MSRA: variants seen among roughly 807,000 people sequenced by gnomAD.
MSRA encodes mitochondrial peptide methionine sulfoxide reductase.
MSRA carries 54 observed loss-of-function variants against 31.3 expected under a neutral mutation model. The observed-to-expected ratio is 1.73, with a 90% CI of 1.39 to 2.17. The LOEUF (loss-of-function observed/expected upper bound fraction) is 2.17, where lower values mean the gene tolerates loss of function less well. Ranked by LOEUF, MSRA falls within the 30% of genes most tolerant of loss-of-function variation. MSRA has a pLI of 0.00. For synonymous variants in MSRA, 169 were observed against 116.5 expected (o/e 1.45, Z -2.90); for missense variants, 507 against 300.9 (o/e 1.69, Z -5.07).
chr8:10,054,750 C>G (rs962558452), intron 1 of MSRA, 92 bp downstream of exon 1: 5 of 1,309,622 alleles, frequency 3.8e-6, no homozygotes, highest in South Asian at 4.2e-5. Flanking sequence ...GGAAGGAAGC[C>G]GTGGGCTGGC....
chr8:10,427,398 G>A lies in MSRA; in HGVS notation c.544-750G>A, dbSNP rs922907963. ...CTCCTTTCCCAGCTTGTGTTGATGC[G>A]TGTCTTTCCCTGGCAGCAGATGTCA... On this transcript the variant is annotated intron_variant, in intron 5 of 5. Coordinates refer to ENST00000317173, the MANE Select transcript of MSRA (RefSeq NM_012331.5). Among the ~76,000 whole-genome samples the A allele has an allele frequency of 9.2e-5, 14 of 152,276 alleles. No homozygotes were observed. In the East Asian group the frequency reaches 1.4e-3, roughly 15 times the overall value.
chr8:10,275,731 G>A (rs369915736), intron 3 of MSRA, among the ~76,000 whole-genome samples: 1 of 152,154 alleles, frequency 6.6e-6, no homozygotes. Flanking sequence ...GGTCGACTCT[G>A]TCACTTATAA....
At chr8:10,274,764 C>T (rs1799232307) in intron 3 of MSRA, among the ~76,000 whole-genome samples, 1 of 152,090 alleles carries the variant, frequency 6.6e-6, no homozygotes, top group Admixed American at 6.5e-5. Flanking sequence ...CATCCACCAT[C>T]ATCCATTCAG....
At chr8:10,334,318 C>G (rs1267570233) in intron 5 of MSRA, among the ~76,000 whole-genome samples, 2 of 152,018 alleles carry the variant, frequency 1.3e-5, no homozygotes, top group Non-Finnish European at 2.9e-5. Flanking sequence ...AGGGTAGGGT[C>G]TACTTTAAAG....
chr8:10,339,471 T>G (rs1031191465), intron 5 of MSRA, among the ~76,000 whole-genome samples: 15 of 152,000 alleles, frequency 9.9e-5, no homozygotes, highest in Non-Finnish European at 1.5e-4. Flanking sequence ...GTCCTGTTCT[T>G]CGTGGTCAGG....
intron 1 of MSRA, among the ~76,000 whole-genome samples, chr8:10,083,535 T>A (rs565428096): frequency 6.6e-6 from 1 of 152,382 alleles, no homozygotes; most frequent in South Asian, 2.1e-4. Context: ...ATCACATTTT[T>A]TCAAGGGTGA....
intron 1 of MSRA, among the ~76,000 whole-genome samples, chr8:10,141,181 A>G (rs1434581949): frequency 6.6e-6 from 1 of 152,092 alleles, no homozygotes; most frequent in Non-Finnish European, 1.5e-5. Context: ...CACCCACAGA[A>G]ATGGGAGTGG....
At chr8:10,133,718 A>G (rs773861913) in intron 1 of MSRA, among the ~76,000 whole-genome samples, 3 of 152,228 alleles carry the variant, frequency 2.0e-5, no homozygotes, top group Non-Finnish European at 2.9e-5. Context: ...GGAAGTGCTC[A>G]GGAAATGGTA....
chr8:10,091,493 T>C (rs1210884391), intron 1 of MSRA, among the ~76,000 whole-genome samples: 1 of 152,230 alleles, frequency 6.6e-6, no homozygotes, highest in Non-Finnish European at 1.5e-5. Context: ...ATTTCCTGTC[T>C]TGGCTATTAT....
At chr8:10,286,361 C>G (rs1456329842) in intron 3 of MSRA, among the ~76,000 whole-genome samples, 1 of 152,150 alleles carries the variant, frequency 6.6e-6, no homozygotes, top group Non-Finnish European at 1.5e-5. Context: ...GTGAATAAGT[C>G]TCACGAGATC....
chr8:10,362,538 C>T (rs542124617), intron 5 of MSRA, among the ~76,000 whole-genome samples: 144 of 151,590 alleles, frequency 9.5e-4, no homozygotes, highest in African/African-American at 3.3e-3. Context: ...GAGGGGAGGC[C>T]ACTGAGACAT....
chr8:10,142,941 A>G (rs1802833811), intron 1 of MSRA, among the ~76,000 whole-genome samples: 1 of 152,202 alleles, frequency 6.6e-6, no homozygotes, highest in Non-Finnish European at 1.5e-5. Flanking sequence ...CTTCAGAACA[A>G]AGAAAGCACC....
At chr8:10,416,460 C>G (rs551764879) in intron 5 of MSRA, among the ~76,000 whole-genome samples, 4 of 152,208 alleles carry the variant, frequency 2.6e-5, no homozygotes, top group East Asian at 1.9e-4. Context: ...TTGTCAGTGT[C>G]CTTATGTGAG....
At chr8:10,073,026 C>A (rs1255283997) in intron 1 of MSRA, among the ~76,000 whole-genome samples, 1 of 151,996 alleles carries the variant, frequency 6.6e-6, no homozygotes, top group African/African-American at 2.4e-5. Flanking sequence ...CATAGATAAC[C>A]CTATCACCTG....
intron 1 of MSRA, among the ~76,000 whole-genome samples, chr8:10,115,981 T>G (rs1342747757): frequency 6.6e-6 from 1 of 152,240 alleles, no homozygotes; most frequent in African/African-American, 2.4e-5. Context: ...CACCTCCCAC[T>G]TGATTCACGC....
rs1809352969 is a variant in MSRA, at chr8:10,428,646, G to C, written c.*334G>C. On this transcript the variant is annotated 3_prime_UTR_variant, in exon 6 of 6. Transcript: ENST00000317173. ...TTGCTGGACAGGATGGGGGACCCCAGAAGTCCTTTATCTGTGCTCTCTGCC... is the reference window on the plus strand; with the variant it reads ...TTGCTGGACAGGATGGGGGACCCCACAAGTCCTTTATCTGTGCTCTCTGCC... The C allele has an allele frequency of 3.3e-6, 1 of 303,528 alleles. No homozygotes were observed. The highest frequency in any genetic ancestry group is 6.1e-6 in the Non-Finnish European group (1 of 163,846). The allele number at this position is 303,528 out of a possible 1,614,324, so 18.8% of individuals were successfully genotyped here. A position where few individuals can be genotyped will look rare whatever the true frequency, so the allele number is the denominator to read the frequency against.
intron 5 of MSRA, among the ~76,000 whole-genome samples, chr8:10,355,524 C>G (rs1418404612): frequency 1.3e-5 from 2 of 152,136 alleles, no homozygotes; most frequent in South Asian, 4.1e-4. Flanking sequence ...CATGCTGTGT[C>G]AAAGGAAAAG....
intron 1 of MSRA, 62 bp from the exon 2 acceptor site, chr8:10,207,771 C>A: frequency 1.4e-6 from 2 of 1,414,788 alleles, no homozygotes; most frequent in Non-Finnish European, 1.9e-6. Context: ...CATTTAATGA[C>A]ATGTGTTAGT....
At chr8:10,320,207 G>T (rs894077166) in intron 5 of MSRA, 3 of 367,728 alleles carry the variant, frequency 8.2e-6, no homozygotes, top group African/African-American at 4.2e-5. Context: ...AGTGGCTCAT[G>T]CCTGTAATCC....
Sources: allele counts gnomAD v4.1 joint callset (sites outside exome capture counted in the v4.1 genomes callset), GRCh38; gene constraint gnomAD v4.1.1; transcripts MANE v1.5; gene names NCBI Gene and HGNC (gene_info 2026-07-23, HGNC 2026-07-21).